The following DENND1A variants were observed in gnomAD, a reference collection of about 807,000 sequenced individuals.
DENND1A encodes the protein DENN domain containing 1A.
In DENND1A, 51 loss-of-function variants were observed where a neutral mutation model predicts 113.7. The observed-to-expected ratio is 0.45, with a 90% confidence interval of 0.36 to 0.57. DENND1A has a LOEUF of 0.57. Among genes scored for constraint, DENND1A ranks in the 20% least tolerant of loss-of-function variants. The pLI is 0.00. For synonymous variants in DENND1A, 565 were observed against 570.8 expected (o/e 0.99, Z 0.14); for missense variants, 1,258 against 1,395.9 (o/e 0.90, Z 1.57).
chr9:123,572,557 T>C (rs1228020978), intron 12 of DENND1A, among the ~76,000 whole-genome samples: 1 of 152,238 alleles, frequency 6.6e-6, no homozygotes, highest in Non-Finnish European at 1.5e-5. Context: ...CATTAATTTG[T>C]ACCCTCATGA....
chr9:123,670,782 T>C (rs2063727230), intron 7 of DENND1A, among the ~76,000 whole-genome samples: 1 of 152,150 alleles, frequency 6.6e-6, no homozygotes, highest in Non-Finnish European at 1.5e-5. Context: ...AAGGAGGTAA[T>C]CTTAGCAAAA....
At chr9:123,890,222 C>A (rs1167080815) in intron 1 of DENND1A, among the ~76,000 whole-genome samples, 1 of 152,136 alleles carries the variant, frequency 6.6e-6, no homozygotes, top group Non-Finnish European at 1.5e-5. Flanking sequence ...AAAACCCATG[C>A]CTTTTCCACC....
intron 5 of DENND1A, among the ~76,000 whole-genome samples, chr9:123,690,765 G>A (rs890835080): frequency 6.6e-6 from 1 of 152,252 alleles, no homozygotes; most frequent in African/African-American, 2.4e-5. Flanking sequence ...GGCTAGGGAG[G>A]TGGATTGGTC....
At chr9:123,761,439 C>T (rs370881023) in intron 4 of DENND1A, among the ~76,000 whole-genome samples, 8 of 152,320 alleles carry the variant, frequency 5.3e-5, no homozygotes, top group African/African-American at 1.9e-4. Flanking sequence ...TAGGCCTTTG[C>T]TTAGAATCTT....
At chr9:123,858,710 G>C (rs1288041415) in intron 2 of DENND1A, among the ~76,000 whole-genome samples, 2 of 152,162 alleles carry the variant, frequency 1.3e-5, no homozygotes, top group Non-Finnish European at 2.9e-5. Context: ...CAGGGCCAAA[G>C]ACACAAGCTG....
chr9:123,793,333 T>A (rs997547611), intron 2 of DENND1A, among the ~76,000 whole-genome samples: 1 of 152,156 alleles, frequency 6.6e-6, no homozygotes, highest in Non-Finnish European at 1.5e-5. Flanking sequence ...GATCACTTTA[T>A]TCTTAAATCA....
intron 20 of DENND1A, among the ~76,000 whole-genome samples, chr9:123,403,846 T>C (rs1482703997): frequency 6.6e-6 from 1 of 152,162 alleles, no homozygotes; most frequent in Non-Finnish European, 1.5e-5. Flanking sequence ...CAATGACAAT[T>C]CCCTCTCATC....
intron 12 of DENND1A, among the ~76,000 whole-genome samples, chr9:123,579,410 T>G (rs2058779721): frequency 6.6e-6 from 1 of 152,186 alleles, no homozygotes; most frequent in Admixed American, 6.5e-5. Flanking sequence ...CTTAAATGTT[T>G]TTTTGAAAAA....
chr9:123,864,684 A>C (rs748072327), intron 2 of DENND1A, among the ~76,000 whole-genome samples: 5 of 152,136 alleles, frequency 3.3e-5, no homozygotes, highest in African/African-American at 7.2e-5. Flanking sequence ...TCCTGCCGCT[A>C]ATATAAATGC....
chr9:123,889,328 G>C (rs1478212143), intron 1 of DENND1A, among the ~76,000 whole-genome samples: 1 of 152,142 alleles, frequency 6.6e-6, no homozygotes, highest in African/African-American at 2.4e-5. Context: ...AGAGAAAAAT[G>C]AGAAAGTGCT....
chr9:123,394,859 G>A (rs935722515), intron 21 of DENND1A, among the ~76,000 whole-genome samples: 1 of 152,236 alleles, frequency 6.6e-6, no homozygotes, highest in Admixed American at 6.5e-5. Context: ...GCATCCTGGA[G>A]CCCAGATCTG....
At chr9:123,870,291 A>G (rs1160813718) in intron 2 of DENND1A, among the ~76,000 whole-genome samples, 9 of 144,920 alleles carry the variant, frequency 6.2e-5, no homozygotes, top group Non-Finnish European at 1.0e-4. Context: ...TTTTTCTGAG[A>G]TGGAGTCTCA....
chr9:123,693,840 T>TTATTATTAC (rs1446103797), intron 5 of DENND1A, among the ~76,000 whole-genome samples: 4 of 148,702 alleles, frequency 2.7e-5, no homozygotes, highest in Non-Finnish European at 5.9e-5. Flanking sequence ...ATTATTATTA[T>TTATTATTAC]TATTTTGAGA....
Position 123,513,385 on chromosome 9 carries a change from A to G in DENND1A, c.993+44185T>C, listed in dbSNP as rs556941518. 3.9e-5 allele frequency among the ~76,000 whole-genome samples: 6 copies of G among 152,360 alleles called. 1 individual carries two copies. In the South Asian group the frequency reaches 1.2e-3, roughly 32 times the overall value. On this transcript the variant is annotated intron_variant, in intron 13 of 23. Transcript: ENST00000394215. ...CATGTTACTCAAACTTTCAAGTAAG[A>G]AACACTTTTTAGGGTGGGTCCCAGA...
chr9:123,434,451 T>C (rs555885819), intron 19 of DENND1A, among the ~76,000 whole-genome samples: 2 of 152,366 alleles, frequency 1.3e-5, no homozygotes, highest in South Asian at 2.1e-4. Flanking sequence ...TGAAACCAAA[T>C]AACTTGCTGA....
chr9:123,780,809 G>A (rs1043946857), intron 3 of DENND1A, among the ~76,000 whole-genome samples: 4 of 152,102 alleles, frequency 2.6e-5, no homozygotes, highest in Non-Finnish European at 5.9e-5. Context: ...TCTTGGGGCG[G>A]CTGTGGGTGA....
chr9:123,575,937 G>T (rs1444422072), intron 12 of DENND1A, among the ~76,000 whole-genome samples: 2 of 152,178 alleles, frequency 1.3e-5, no homozygotes, highest in Non-Finnish European at 2.9e-5. Context: ...GTAAATTGGA[G>T]TGTCTAGACA....
intron 5 of DENND1A, chr9:123,736,473 G>A (rs1414869215): frequency 2.0e-5 from 3 of 152,222 alleles, no homozygotes; most frequent in Non-Finnish European, 4.4e-5. Context: ...GAAGGTAAGA[G>A]AACAGCATAG....
At chr9:123,456,292 A>AG (rs1213891800) in intron 15 of DENND1A, among the ~76,000 whole-genome samples, 1 of 152,142 alleles carries the variant, frequency 6.6e-6, no homozygotes, top group Non-Finnish European at 1.5e-5. Flanking sequence ...CAGCAATAAA[A>AG]GGGGGCCAGC....
Sources: allele counts gnomAD v4.1 joint callset (sites outside exome capture counted in the v4.1 genomes callset), GRCh38; gene constraint gnomAD v4.1.1; transcripts MANE v1.5; gene names NCBI Gene and HGNC (gene_info 2026-07-23, HGNC 2026-07-21).